RTN4RL1: variants seen among roughly 807,000 people sequenced by gnomAD.
RTN4RL1 encodes reticulon 4 receptor like 1.
RTN4RL1 carries 7 observed loss-of-function variants against 25.6 expected under a neutral mutation model. That is an observed-to-expected ratio of 0.27 (90% CI 0.16 to 0.51). The LOEUF (loss-of-function observed/expected upper bound fraction) is 0.51. Ranked by LOEUF, RTN4RL1 falls within the 20% of genes least tolerant of loss-of-function variation. RTN4RL1 has a pLI of 0.97. For missense variants in RTN4RL1, 500 were observed against 615.6 expected, an observed-to-expected ratio of 0.81 and a Z score of 1.99; for synonymous variants, 297 against 288.2, an observed-to-expected ratio of 1.03 and a Z score of -0.31.
chr17:1,989,938 C>T (rs1277726200), intron 1 of RTN4RL1, among the ~76,000 whole-genome samples: 1 of 151,640 alleles, frequency 6.6e-6, no homozygotes, highest in Non-Finnish European at 1.5e-5. Context: ...CCGGGCAAGA[C>T]AGCAAGACCC....
At position 1,950,730 on chromosome 17, in the gene RTN4RL1, C is replaced by T. The variant is rs1054154252; in HGVS notation, c.14-12922G>A. Reference sequence around the variant, plus strand: ...GGTGTGGTGGCGCGCACCTGTAATCCCAGCCACTTGGGAGGCTGAGGCTGA... The same window carrying T: ...GGTGTGGTGGCGCGCACCTGTAATCTCAGCCACTTGGGAGGCTGAGGCTGA... On this transcript the variant is annotated intron_variant, in intron 1 of 1. Transcript: ENST00000331238. Among the ~76,000 whole-genome samples the T allele has an allele frequency of 2.0e-5, 3 of 151,298 alleles. No individual in the cohort carries two copies. The South Asian group carries it at 6.3e-4, about 32-fold the overall frequency.
chr17:2,001,783 G>C (rs111510211), intron 1 of RTN4RL1, among the ~76,000 whole-genome samples: 1 of 152,174 alleles, frequency 6.6e-6, no homozygotes. Flanking sequence ...GAGCTGGGCC[G>C]GGCTAGGCTG....
intron 1 of RTN4RL1, among the ~76,000 whole-genome samples, chr17:1,954,125 T>A (rs56219667): frequency 0.44 from 67,221 of 151,734 alleles, 15,789 homozygotes; most frequent in Middle Eastern, 0.57. Flanking sequence ...CATGGTAGTA[T>A]GTCCTCTTTC....
intron 1 of RTN4RL1, among the ~76,000 whole-genome samples, chr17:2,004,385 A>C (rs1239256121): frequency 6.6e-6 from 1 of 151,022 alleles, no homozygotes; most frequent in Non-Finnish European, 1.5e-5. Context: ...AAAAAAAAAA[A>C]AAAAAAGCAA....
chr17:1,952,531 G>A (rs929051506), intron 1 of RTN4RL1, among the ~76,000 whole-genome samples: 2 of 151,530 alleles, frequency 1.3e-5, no homozygotes, highest in Non-Finnish European at 2.9e-5. Context: ...TTTTAGTAGA[G>A]ACGGGGTTTC....
At chr17:1,953,970 C>T (rs184610356) in intron 1 of RTN4RL1, among the ~76,000 whole-genome samples, 2 of 152,366 alleles carry the variant, frequency 1.3e-5, no homozygotes, top group East Asian at 3.9e-4. Flanking sequence ...GAAGCCCCAT[C>T]TTTCAACCAT....
chr17:2,021,854 CTTTTTTTTTT>C (rs869227846), intron 1 of RTN4RL1, among the ~76,000 whole-genome samples: 6 of 88,352 alleles, frequency 6.8e-5, no homozygotes, highest in Admixed American at 1.4e-4. Flanking sequence ...TGTGCCCGGT[CTTTTTTTTTT>C]TTTTTTTTTT....
chr17:1,965,356 C>T (rs56281947), intron 1 of RTN4RL1, among the ~76,000 whole-genome samples: 2,470 of 152,206 alleles, frequency 0.016, 60 homozygotes, highest in African/African-American at 0.056. Context: ...AGGTGATCCG[C>T]CCACCTCGGC....
At chr17:1,945,633 G>A (rs903210867) in intron 1 of RTN4RL1, among the ~76,000 whole-genome samples, 1 of 151,934 alleles carries the variant, frequency 6.6e-6, no homozygotes, top group African/African-American at 2.4e-5. Flanking sequence ...TAACCGTTGT[G>A]AGCCACCACG....
At chr17:1,977,021 G>C (rs1171557458) in intron 1 of RTN4RL1, among the ~76,000 whole-genome samples, 1 of 152,160 alleles carries the variant, frequency 6.6e-6, no homozygotes, top group East Asian at 1.9e-4. Context: ...CAGACTCCCT[G>C]TGCTACCATT....
At chr17:1,988,861 A>G (rs1478966787) in intron 1 of RTN4RL1, among the ~76,000 whole-genome samples, 1 of 149,556 alleles carries the variant, frequency 6.7e-6, no homozygotes, top group East Asian at 1.9e-4. Flanking sequence ...CATGTGAGGA[A>G]CAGAAAGAAA....
At chr17:1,975,824 C>T (rs927149912) in intron 1 of RTN4RL1, among the ~76,000 whole-genome samples, 1 of 152,092 alleles carries the variant, frequency 6.6e-6, no homozygotes, top group African/African-American at 2.4e-5. Flanking sequence ...TCTTTCAAGA[C>T]GATCTACCTC....
intron 1 of RTN4RL1, among the ~76,000 whole-genome samples, chr17:2,014,177 G>T (rs1164646265): frequency 1.3e-5 from 2 of 152,230 alleles, no homozygotes; most frequent in Non-Finnish European, 2.9e-5. Context: ...GGAAGTGGGA[G>T]GGTGTGGAAG....
intron 1 of RTN4RL1, among the ~76,000 whole-genome samples, chr17:1,967,884 A>G (rs967580654): frequency 2.0e-5 from 3 of 151,710 alleles, no homozygotes; most frequent in African/African-American, 7.3e-5. Context: ...CAGGTGATCC[A>G]CTCGCCTCAG....
chr17:1,941,000 T>A (rs947589984), intron 1 of RTN4RL1, among the ~76,000 whole-genome samples: 7 of 152,134 alleles, frequency 4.6e-5, no homozygotes, highest in African/African-American at 7.2e-5. Flanking sequence ...CGGGGTGATA[T>A]GTGTCCGGCT....
rs551557782 is a variant in RTN4RL1, at chr17:1,963,379, C to T, written c.14-25571G>A. Among the ~76,000 whole-genome samples the T allele has an allele frequency of 2.2e-4, 34 of 152,366 alleles. 2 individuals are homozygous for T. The highest frequency in any genetic ancestry group is 1.8e-3 in the Admixed American group (28 of 15,304). On this transcript the variant is annotated intron_variant, in intron 1 of 1. Coordinates refer to ENST00000331238, the MANE Select transcript of RTN4RL1 (RefSeq NM_178568.4). ...GGCCCTTGCCCAAAGCCAGGAGGCT[C>T]ACAAGGGCAAATTCAATTGTGGGCG...
intron 1 of RTN4RL1, among the ~76,000 whole-genome samples, chr17:1,939,081 A>G (rs112838220): frequency 0.12 from 18,785 of 150,696 alleles, 1,272 homozygotes; most frequent in East Asian, 0.21. Flanking sequence ...GGCCGGGAGC[A>G]GTGGCTCACA....
At chr17:2,015,674 G>A (rs2067111300) in intron 1 of RTN4RL1, among the ~76,000 whole-genome samples, 1 of 152,226 alleles carries the variant, frequency 6.6e-6, no homozygotes, top group Non-Finnish European at 1.5e-5. Context: ...AGTGACTGTG[G>A]ATGCCAGGGA....
intron 1 of RTN4RL1, among the ~76,000 whole-genome samples, chr17:1,969,059 T>TTTTA (rs1010877257): frequency 2.6e-4 from 2 of 7,556 alleles, no homozygotes; most frequent in African/African-American, 7.0e-4. Context: ...CCACTGTCCC[T>TTTTA]TTTTTTTTTT....
Sources: gnomAD v4.1 joint callset for allele counts (sites outside exome capture counted in the v4.1 genomes callset) on GRCh38, gnomAD v4.1.1 for gene constraint, MANE v1.5 for transcripts, NCBI Gene and HGNC (gene_info 2026-07-23, HGNC 2026-07-21) for gene names.